Variants in LRRC4C observed in about 807,000 individuals in gnomAD.
The protein encoded by LRRC4C is leucine rich repeat containing 4C.
Under a neutral mutation model 33.6 loss-of-function variants are expected in LRRC4C, and 5 were observed. The ratio of observed to expected loss-of-function variants is 0.15; its 90% CI spans 0.08 to 0.31. The LOEUF (loss-of-function observed/expected upper bound fraction) is 0.31, where lower values mean the gene tolerates loss of function less well. Ranked by LOEUF, LRRC4C falls within the 10% of genes least tolerant of loss-of-function variation. The pLI is 1.00. For synonymous variants in LRRC4C, 329 were observed against 302.0 expected, an observed-to-expected ratio of 1.09 and a Z score of -0.93; for missense variants, 560 against 796.7, an observed-to-expected ratio of 0.70 and a Z score of 3.58.
rs182599757 is a variant in LRRC4C at position 40,267,060 on chromosome 11, G to C, written c.-175-25462C>G. Among the ~76,000 whole-genome samples the C allele has an allele frequency of 1.5e-3, 219 of 150,044 alleles. 2 individuals carry two copies. The highest frequency in any genetic ancestry group is 4.8e-3 in the African/African-American group (198 of 40,854). ...CCTTTTTTGCTCTTCAATGGCATGTGCTGCTTCGATCATACAATTCTCCTC... is the reference window on the plus strand; with the variant it reads ...CCTTTTTTGCTCTTCAATGGCATGTCCTGCTTCGATCATACAATTCTCCTC... On this transcript the variant is annotated intron_variant, in intron 4 of 6. Coordinates refer to ENST00000528697, the MANE Select transcript of LRRC4C (RefSeq NM_001258419.2).
chr11:40,229,296 G>A (rs557549585), intron 5 of LRRC4C, among the ~76,000 whole-genome samples: 2 of 151,332 alleles, frequency 1.3e-5, no homozygotes, highest in South Asian at 4.2e-4. Flanking sequence ...TTTTTGAGAT[G>A]GAGTCTCATT....
At chr11:41,179,142 G>C (rs1008506948) in intron 1 of LRRC4C, among the ~76,000 whole-genome samples, 2 of 150,846 alleles carry the variant, frequency 1.3e-5, no homozygotes, top group Non-Finnish European at 1.5e-5. Context: ...GAATGAGAGA[G>C]ATAAAACATG....
chr11:40,496,434 G>A (rs928562017), intron 3 of LRRC4C, among the ~76,000 whole-genome samples: 5 of 152,056 alleles, frequency 3.3e-5, no homozygotes, highest in African/African-American at 4.8e-5. Flanking sequence ...GCCTCAGGTA[G>A]TTTATTTTGT....
chr11:40,711,766 G>A (rs1294286792), intron 2 of LRRC4C, among the ~76,000 whole-genome samples: 2 of 151,426 alleles, frequency 1.3e-5, no homozygotes, highest in Non-Finnish European at 2.9e-5. Flanking sequence ...AACGGAGGAT[G>A]TTCTCCCCTT....
Position 40,608,352 on chromosome 11 carries a change from A to G in LRRC4C, c.-270+39790T>C, listed in dbSNP as rs546459000. ...CTATAAGATCTTTTATCTAAGCCCT[A>G]TAATAACCAAAAAGAAAATAGCTAT... On this transcript the variant is annotated intron_variant, in intron 3 of 6. Transcript: ENST00000528697. Among the ~76,000 whole-genome samples, 167 of 152,192 alleles carry G rather than the reference A, an allele frequency of 1.1e-3. 1 individual carries two copies. Among genetic ancestry groups the G allele is most frequent in the African/African-American group, 3.5e-3 (144 of 41,572 alleles).
At chr11:41,240,785 A>G (rs1033390019) in intron 1 of LRRC4C, among the ~76,000 whole-genome samples, 5 of 152,144 alleles carry the variant, frequency 3.3e-5, no homozygotes, top group Non-Finnish European at 5.9e-5. Context: ...TGTTGCAGAG[A>G]AGCACTTTCA....
chr11:41,208,871 A>G (rs1946703940), intron 1 of LRRC4C, among the ~76,000 whole-genome samples: 1 of 152,164 alleles, frequency 6.6e-6, no homozygotes, highest in South Asian at 2.1e-4. Flanking sequence ...GCCACTGCTC[A>G]GGGTCCTGGG....
intron 2 of LRRC4C, among the ~76,000 whole-genome samples, chr11:40,740,581 C>T (rs1948108627): frequency 6.6e-6 from 1 of 151,908 alleles, no homozygotes; most frequent in African/African-American, 2.4e-5. Context: ...TATTTTCCCC[C>T]ATTTAATAGT....
chr11:41,096,196 A>G (rs1210718744), intron 1 of LRRC4C, among the ~76,000 whole-genome samples: 1 of 152,162 alleles, frequency 6.6e-6, no homozygotes, highest in Non-Finnish European at 1.5e-5. Flanking sequence ...CAAAGCACAG[A>G]ATTACATTTT....
chr11:40,486,874 A>C, intron 3 of LRRC4C, among the ~76,000 whole-genome samples: 1 of 152,176 alleles, frequency 6.6e-6, no homozygotes, highest in Middle Eastern at 3.4e-3. Flanking sequence ...TGTTTGGATA[A>C]TGCTCAAAAT....
chr11:40,811,197 T>C (rs1416055308), intron 2 of LRRC4C, among the ~76,000 whole-genome samples: 1 of 152,180 alleles, frequency 6.6e-6, no homozygotes. Flanking sequence ...CACACAGATC[T>C]CACTTCAAAT....
chr11:40,217,107 A>G (rs1159296945), intron 5 of LRRC4C, among the ~76,000 whole-genome samples: 1 of 152,206 alleles, frequency 6.6e-6, no homozygotes, highest in Non-Finnish European at 1.5e-5. Context: ...TATTTTATTA[A>G]GCTACATGGA....
intron 1 of LRRC4C, among the ~76,000 whole-genome samples, chr11:41,221,544 T>G (rs1179637232): frequency 6.6e-6 from 1 of 152,182 alleles, no homozygotes; most frequent in African/African-American, 2.4e-5. Context: ...GCAATCCCAT[T>G]ACTAGCTATA....
At chr11:40,218,343 G>A (rs532488149) in intron 5 of LRRC4C, among the ~76,000 whole-genome samples, 1 of 152,178 alleles carries the variant, frequency 6.6e-6, no homozygotes, top group South Asian at 2.1e-4. Context: ...CTTTGCTAGG[G>A]CAAGAAGAGG....
chr11:40,687,349 T>C (rs997390217), intron 2 of LRRC4C, among the ~76,000 whole-genome samples: 10 of 152,034 alleles, frequency 6.6e-5, no homozygotes, highest in African/African-American at 2.4e-4. Context: ...TCTACATTTA[T>C]TCAGTGTGTA....
At chr11:40,733,511 C>G (rs1278560401) in intron 2 of LRRC4C, among the ~76,000 whole-genome samples, 1 of 152,110 alleles carries the variant, frequency 6.6e-6, no homozygotes, top group African/African-American at 2.4e-5. Flanking sequence ...ACCCACTTAG[C>G]CTGCACTTCT....
chr11:40,753,750 G>A (rs557493049), intron 2 of LRRC4C, among the ~76,000 whole-genome samples: 4 of 151,776 alleles, frequency 2.6e-5, no homozygotes, highest in South Asian at 4.2e-4. Flanking sequence ...TGATTGTTAC[G>A]TGAGTATGTG....
chr11:41,043,414 G>A (rs886202052), intron 1 of LRRC4C, among the ~76,000 whole-genome samples: 2 of 152,014 alleles, frequency 1.3e-5, no homozygotes, highest in African/African-American at 4.8e-5. Flanking sequence ...CTTTACTTAA[G>A]GTTTTATTAA....
Position 40,116,085 on chromosome 11 carries a change from C to G in LRRC4C, c.208G>C (p.Val70Leu). The G allele has an allele frequency of 1.2e-6, 2 of 1,614,026 alleles. No homozygotes were observed. The highest frequency in any genetic ancestry group is 1.7e-6 in the Non-Finnish European group (2 of 1,180,010). The change falls in exon 7 of 7, where the codon GTT (valine) becomes CTT (leucine). Residue 70 changes from valine (V) to leucine (L), a missense_variant. By Grantham distance (32) the Val-to-Leu change is conservative. Transcript: ENST00000528697. ...GTGTTGGTGGAGATGCCATCCGGAA[C>G]CTCACGCAGGTTTTTCCGAACACAA... ...VICVRKNLRE[V>L]PDGISTNTRL...
Sources: allele counts gnomAD v4.1 joint callset (sites outside exome capture counted in the v4.1 genomes callset), GRCh38; gene constraint gnomAD v4.1.1; transcripts MANE v1.5; gene names NCBI Gene and HGNC (gene_info 2026-07-23, HGNC 2026-07-21).